Variants in R3HCC1L observed in about 807,000 individuals in gnomAD.
The protein encoded by R3HCC1L is coiled-coil domain-containing protein R3HCC1L.
In R3HCC1L, 51 loss-of-function variants were observed where a neutral mutation model predicts 59.9. The observed-to-expected ratio is 0.85, with a 90% CI of 0.68 to 1.07. R3HCC1L has a LOEUF of 1.07. Ranked by LOEUF, R3HCC1L falls within the 50% of genes least tolerant of loss-of-function variation. R3HCC1L has a pLI of 0.00. For missense variants in R3HCC1L, 965 were observed against 933.0 expected (o/e 1.03, Z -0.45); for synonymous variants, 322 against 315.2 (o/e 1.02, Z -0.23).
Position 98,152,530 on chromosome 10 carries a change from A to G in R3HCC1L, c.-267-3563A>G, listed in dbSNP as rs1383256917. ...GAGGAGCGTCTCTGCCCGGCCGCCC[A>G]GTCTGGGAAGTGAGGAGCGCCTCTT... On this transcript the variant is annotated intron_variant, in intron 1 of 9. Coordinates refer to ENST00000298999, the MANE Select transcript of R3HCC1L (RefSeq NM_001351015.2). Among the ~76,000 whole-genome samples, 2 of 82,474 alleles carry G rather than the reference A, an allele frequency of 2.4e-5. 1 individual carries two copies. The highest frequency in any genetic ancestry group is 8.6e-4 in the East Asian group (2 of 2,336). 54.1% of individuals were successfully genotyped at this position (82,474 alleles called of 152,430 possible).
At chr10:98,174,910 C>A in intron 4 of R3HCC1L, 2 of 443,818 alleles carry the variant, frequency 4.5e-6, no homozygotes, top group African/African-American at 2.1e-5. Context: ...TTGGCATTCT[C>A]GGAGCCCTCT....
chr10:98,223,826 C>T (rs1855345834), intron 5 of R3HCC1L, among the ~76,000 whole-genome samples: 1 of 152,116 alleles, frequency 6.6e-6, no homozygotes, highest in South Asian at 2.1e-4. Flanking sequence ...TGAGTCTGGA[C>T]AGGCTGATCC....
intron 1 of R3HCC1L, among the ~76,000 whole-genome samples, chr10:98,147,962 G>T (rs773696551): frequency 2.0e-5 from 3 of 152,102 alleles, no homozygotes; most frequent in Non-Finnish European, 2.9e-5. Flanking sequence ...TTGGTATTTT[G>T]ATAGAGATTG....
intron 4 of R3HCC1L, among the ~76,000 whole-genome samples, chr10:98,169,437 G>A (rs1463716918): frequency 6.6e-6 from 1 of 152,200 alleles, no homozygotes; most frequent in Non-Finnish European, 1.5e-5. Flanking sequence ...ATGAGATAAT[G>A]TATATACAAT....
Position 98,244,332 on chromosome 10 carries a change from C to A in R3HCC1L, c.*174C>A. Reference sequence around the variant, plus strand: ...GGAAGACAGACTCCTGTCTTCACTCCTAAATGCAGTTCTTTGGAATCACCC... The same window carrying A: ...GGAAGACAGACTCCTGTCTTCACTCATAAATGCAGTTCTTTGGAATCACCC... On this transcript the variant is annotated 3_prime_UTR_variant, in exon 10 of 10. Transcript: ENST00000298999. 3.5e-6 allele frequency: 2 copies of A among 569,278 alleles called. No individual in the cohort carries two copies. The highest frequency in any genetic ancestry group is 6.1e-6 in the Non-Finnish European group (2 of 326,368). The allele number at this position is 569,278 out of a possible 1,614,324, so 35.3% of individuals were successfully genotyped here.
At chr10:98,154,156 C>T (rs994714977) in intron 1 of R3HCC1L, among the ~76,000 whole-genome samples, 3 of 128,782 alleles carry the variant, frequency 2.3e-5, no homozygotes, top group Admixed American at 9.4e-5. Flanking sequence ...TCAACCATAT[C>T]GTTATACTAC....
chr10:98,151,012 T>C (rs779218515), intron 1 of R3HCC1L, among the ~76,000 whole-genome samples: 2 of 152,194 alleles, frequency 1.3e-5, no homozygotes, highest in Admixed American at 6.5e-5. Context: ...CTGAGCATGT[T>C]GGTGAAAGGG....
intron 6 of R3HCC1L, among the ~76,000 whole-genome samples, chr10:98,234,112 C>G (rs990554293): frequency 7.2e-5 from 11 of 152,160 alleles, no homozygotes; most frequent in African/African-American, 2.7e-4. Flanking sequence ...CTTTCCATTT[C>G]TTCTCATTCC....
intron 4 of R3HCC1L, among the ~76,000 whole-genome samples, chr10:98,204,594 T>G (rs1852422002): frequency 6.6e-6 from 1 of 152,166 alleles, no homozygotes; most frequent in Admixed American, 6.6e-5. Flanking sequence ...TAAATTAAAT[T>G]GGCAATATAG....
At chr10:98,228,089 A>G (rs1855888890) in intron 5 of R3HCC1L, among the ~76,000 whole-genome samples, 1 of 152,200 alleles carries the variant, frequency 6.6e-6, no homozygotes, top group Non-Finnish European at 1.5e-5. Context: ...TCCTTTGGGT[A>G]TATACCCAGT....
At chr10:98,183,037 C>T (rs531667257) in intron 4 of R3HCC1L, among the ~76,000 whole-genome samples, 8 of 152,210 alleles carry the variant, frequency 5.3e-5, no homozygotes, top group Admixed American at 2.6e-4. Context: ...CACCCTCTGT[C>T]GGCTGCACCC....
intron 5 of R3HCC1L, chr10:98,211,330 C>G: frequency 1.3e-6 from 2 of 1,532,210 alleles, no homozygotes; most frequent in South Asian, 2.4e-5. Context: ...ACATAAAGCC[C>G]GAGAACCACT....
intron 5 of R3HCC1L, among the ~76,000 whole-genome samples, chr10:98,227,404 A>G (rs1855785212): frequency 6.6e-6 from 1 of 152,302 alleles, no homozygotes; most frequent in East Asian, 1.9e-4. Flanking sequence ...AAGGAGATAT[A>G]TATTCCTGGC....
At chr10:98,225,323 C>T (rs1267840212) in intron 5 of R3HCC1L, among the ~76,000 whole-genome samples, 1 of 152,212 alleles carries the variant, frequency 6.6e-6, no homozygotes. Context: ...TTCTTTGCCT[C>T]ACTTCCATCT....
At chr10:98,220,460 A>G (rs1376459973) in intron 5 of R3HCC1L, among the ~76,000 whole-genome samples, 1 of 146,152 alleles carries the variant, frequency 6.8e-6, no homozygotes, top group Non-Finnish European at 1.5e-5. Flanking sequence ...ATGTATACAT[A>G]TGCCATGCTG....
chr10:98,142,904 T>C (rs564251415), intron 1 of R3HCC1L, among the ~76,000 whole-genome samples: 3 of 151,576 alleles, frequency 2.0e-5, no homozygotes, highest in East Asian at 3.9e-4. Flanking sequence ...CACTGCACTC[T>C]GGCCTGGGCC....
chr10:98,154,338 G>A (rs1050249064), intron 1 of R3HCC1L, among the ~76,000 whole-genome samples: 7 of 152,158 alleles, frequency 4.6e-5, no homozygotes, highest in Non-Finnish European at 1.5e-5. Flanking sequence ...TGCTTGTATG[G>A]AGGAATCTGG....
chr10:98,238,831 CT>C (rs1055160857), intron 9 of R3HCC1L, among the ~76,000 whole-genome samples: 49 of 152,204 alleles, frequency 3.2e-4, no homozygotes, highest in African/African-American at 1.2e-3. Flanking sequence ...TGGTTAGCAG[CT>C]TTTCACTGTC....
chr10:98,149,452 T>G (rs1196651529), intron 1 of R3HCC1L, among the ~76,000 whole-genome samples: 1 of 152,186 alleles, frequency 6.6e-6, no homozygotes, highest in Non-Finnish European at 1.5e-5. Flanking sequence ...TTATTTGAAG[T>G]CTTTCTGCTT....
Sources: allele counts gnomAD v4.1 joint callset (sites outside exome capture counted in the v4.1 genomes callset), GRCh38; gene constraint gnomAD v4.1.1; transcripts MANE v1.5; gene names NCBI Gene and HGNC (gene_info 2026-07-23, HGNC 2026-07-21).